The following ROBO1 variants were observed in gnomAD, a reference collection of about 807,000 sequenced individuals.
ROBO1 encodes the protein roundabout guidance receptor 1.
ROBO1 carries 149 observed loss-of-function variants against 195.9 expected under a neutral mutation model. The observed-to-expected ratio is 0.76, with a 90% CI of 0.67 to 0.87. The LOEUF (loss-of-function observed/expected upper bound fraction) is 0.87, where lower values mean the gene tolerates loss of function less well. Ranked by LOEUF, ROBO1 falls within the 40% of genes least tolerant of loss-of-function variation. The probability of loss-of-function intolerance (pLI) is 0.00; values close to 1 mark genes in which losing one functional copy is unlikely to be tolerated. For synonymous variants in ROBO1, 816 were observed against 733.2 expected (o/e 1.11, Z -1.82); for missense variants, 1,933 against 2,068.3 (o/e 0.93, Z 1.27).
intron 2 of ROBO1, among the ~76,000 whole-genome samples, chr3:79,159,869 G>A (rs1298692778): frequency 6.6e-6 from 1 of 151,988 alleles, no homozygotes; most frequent in African/African-American, 2.4e-5. Context: ...AAGCCAATGA[G>A]GCATGATGAG....
intron 3 of ROBO1, among the ~76,000 whole-genome samples, chr3:78,965,917 T>G (rs1439232433): frequency 6.6e-6 from 1 of 152,212 alleles, no homozygotes; most frequent in Non-Finnish European, 1.5e-5. Flanking sequence ...TACTTGAAAC[T>G]GAACTTTATT....
intron 1 of ROBO1, among the ~76,000 whole-genome samples, chr3:79,713,407 T>G (rs1702351417): frequency 1.3e-5 from 2 of 152,172 alleles, no homozygotes; most frequent in South Asian, 4.1e-4. Flanking sequence ...TTGAGAACAT[T>G]TTTAATTCAT....
intron 4 of ROBO1, among the ~76,000 whole-genome samples, chr3:78,912,733 C>A (rs1448939802): frequency 2.0e-5 from 3 of 152,022 alleles, no homozygotes; most frequent in Non-Finnish European, 4.4e-5. Context: ...AAAGTTCAGG[C>A]TGTATGTCAC....
chr3:79,245,372 G>T (rs1287705758), intron 2 of ROBO1, among the ~76,000 whole-genome samples: 1 of 152,016 alleles, frequency 6.6e-6, no homozygotes, highest in Non-Finnish European at 1.5e-5. Flanking sequence ...CTGCACTAGG[G>T]TTATTGAATG....
At chr3:78,959,533 T>C (rs1195276180) in intron 3 of ROBO1, among the ~76,000 whole-genome samples, 4 of 152,152 alleles carry the variant, frequency 2.6e-5, no homozygotes, top group Non-Finnish European at 4.4e-5. Context: ...AATCAACAAA[T>C]ATTTACTGAG....
chr3:79,456,534 C>T, intron 2 of ROBO1, among the ~76,000 whole-genome samples: 1 of 152,102 alleles, frequency 6.6e-6, no homozygotes, highest in African/African-American at 2.4e-5. Context: ...TAGTTTTATT[C>T]TGTTATCTCC....
chr3:78,729,077 G>A (rs1401253172), intron 5 of ROBO1, among the ~76,000 whole-genome samples: 1 of 152,208 alleles, frequency 6.6e-6, no homozygotes, highest in African/African-American at 2.4e-5. Context: ...AGGCCTGGGA[G>A]AGTCCCCGCC....
At chr3:78,709,075 C>T (rs1339398996) in intron 8 of ROBO1, among the ~76,000 whole-genome samples, 1 of 152,048 alleles carries the variant, frequency 6.6e-6, no homozygotes, top group Non-Finnish European at 1.5e-5. Flanking sequence ...CAGACAAACA[C>T]TAAGTATAAA....
At chr3:79,648,349 A>T (rs6548640) in intron 1 of ROBO1, among the ~76,000 whole-genome samples, 2 of 151,722 alleles carry the variant, frequency 1.3e-5, no homozygotes, top group African/African-American at 4.8e-5. Flanking sequence ...ACCGTTGGGA[A>T]TCAAGCACAA....
chr3:78,935,746 C>A (rs564659824), intron 4 of ROBO1, among the ~76,000 whole-genome samples: 1 of 152,020 alleles, frequency 6.6e-6, no homozygotes, highest in Non-Finnish European at 1.5e-5. Context: ...CTCATCAAGA[C>A]ATGATTATTG....
chr3:79,756,323 G>A (rs1383080566), intron 1 of ROBO1, among the ~76,000 whole-genome samples: 3 of 151,962 alleles, frequency 2.0e-5, no homozygotes, highest in East Asian at 3.9e-4. Context: ...AGGCCAAGGC[G>A]GGCGGTTCAC....
At chr3:79,396,245 C>G (rs1169992800) in intron 2 of ROBO1, among the ~76,000 whole-genome samples, 1 of 151,962 alleles carries the variant, frequency 6.6e-6, no homozygotes, top group African/African-American at 2.4e-5. Context: ...AGAAACAAGA[C>G]ACTTGTGTTA....
chr3:79,404,119 A>AGC (rs1193118150), intron 2 of ROBO1, among the ~76,000 whole-genome samples: 2 of 152,034 alleles, frequency 1.3e-5, no homozygotes, highest in Admixed American at 1.3e-4. Context: ...TTTTCTATTC[A>AGC]TGTGTATGAC....
chr3:78,673,171 A>T (rs1708165992), intron 10 of ROBO1, among the ~76,000 whole-genome samples: 1 of 152,088 alleles, frequency 6.6e-6, no homozygotes, highest in Non-Finnish European at 1.5e-5. Flanking sequence ...TTGGGTACAC[A>T]TCTTCACATT....
intron 4 of ROBO1, among the ~76,000 whole-genome samples, chr3:78,775,416 TATTTA>T (rs925895407): frequency 4.6e-5 from 7 of 152,234 alleles, no homozygotes; most frequent in African/African-American, 1.7e-4. Context: ...ATTTCTAGTG[TATTTA>T]ATTTAAAAAT....
chr3:79,211,618 A>C (rs2081966910), intron 2 of ROBO1, among the ~76,000 whole-genome samples: 1 of 152,172 alleles, frequency 6.6e-6, no homozygotes, highest in Non-Finnish European at 1.5e-5. Flanking sequence ...TTAAAGGAGG[A>C]ATGCCTGGGG....
chr3:79,634,970 T>G lies in ROBO1; in HGVS notation c.-50-45009A>C, dbSNP rs188492731. On this transcript the variant is annotated intron_variant, in intron 1 of 30. Coordinates refer to ENST00000464233, the MANE Select transcript of ROBO1 (RefSeq NM_002941.4). ...ACTTAATATGTATCAGGGACTCTAC[T>G]ATATATTTCACATTTATATGCATCC... Among the ~76,000 whole-genome samples the G allele has an allele frequency of 2.7e-3, 409 of 152,330 alleles. 1 individual carries two copies. The highest frequency in any genetic ancestry group is 8.2e-3 in the African/African-American group (339 of 41,588).
intron 4 of ROBO1, among the ~76,000 whole-genome samples, chr3:78,868,492 C>T (rs2035322853): frequency 6.6e-6 from 1 of 152,018 alleles, no homozygotes; most frequent in African/African-American, 2.4e-5. Flanking sequence ...TAAATAGTGG[C>T]ATCGCTTTTA....
chr3:79,385,911 T>C (rs1271630114), intron 2 of ROBO1, among the ~76,000 whole-genome samples: 2 of 152,170 alleles, frequency 1.3e-5, no homozygotes, highest in Non-Finnish European at 2.9e-5. Flanking sequence ...ACAATCTAAA[T>C]GCTCTCTACA....
Sources: gnomAD v4.1 joint callset for allele counts (sites outside exome capture counted in the v4.1 genomes callset) on GRCh38, gnomAD v4.1.1 for gene constraint, MANE v1.5 for transcripts, NCBI Gene and HGNC (gene_info 2026-07-23, HGNC 2026-07-21) for gene names.